Variants in NUP93 observed in about 807,000 individuals in gnomAD.
NUP93 encodes nuclear pore complex protein Nup93.
Under a neutral mutation model 107.8 loss-of-function variants are expected in NUP93, and 55 were observed. The observed-to-expected ratio is 0.51, with a 90% CI of 0.41 to 0.64. The LOEUF (loss-of-function observed/expected upper bound fraction) is 0.64. Among genes scored for constraint, NUP93 ranks in the 30% least tolerant of loss-of-function variants. The probability of loss-of-function intolerance (pLI) is 0.00; values close to 1 mark genes in which losing one functional copy is unlikely to be tolerated. For missense variants in NUP93, 937 were observed against 1,044.7 expected (o/e 0.90, Z 1.42); for synonymous variants, 390 against 397.5 (o/e 0.98, Z 0.22).
intron 4 of NUP93, among the ~76,000 whole-genome samples, chr16:56,801,376 G>A (rs1963017862): frequency 1.3e-5 from 2 of 152,142 alleles, no homozygotes; most frequent in Non-Finnish European, 2.9e-5. Flanking sequence ...GATAAGCTGG[G>A]GGTGATGCAA....
At chr16:56,802,951 C>T (rs1404257207) in intron 4 of NUP93, among the ~76,000 whole-genome samples, 1 of 152,018 alleles carries the variant, frequency 6.6e-6, no homozygotes, top group Non-Finnish European at 1.5e-5. Flanking sequence ...TGGTCATCTT[C>T]CTTCTTCCCT....
chr16:56,768,912 G>A (rs2144499960), intron 3 of NUP93, among the ~76,000 whole-genome samples: 1 of 151,606 alleles, frequency 6.6e-6, no homozygotes, highest in Admixed American at 6.6e-5. Flanking sequence ...GCTAACATCA[G>A]GGAAGCAAAG....
At chr16:56,774,550 T>G (rs953325252) in intron 3 of NUP93, among the ~76,000 whole-genome samples, 1 of 152,204 alleles carries the variant, frequency 6.6e-6, no homozygotes, top group Non-Finnish European at 1.5e-5. Flanking sequence ...GAATAAGTAT[T>G]TCTTTGGAAA....
intron 3 of NUP93, among the ~76,000 whole-genome samples, chr16:56,784,845 A>T (rs1386452304): frequency 2.0e-5 from 3 of 152,054 alleles, no homozygotes; most frequent in African/African-American, 7.2e-5. Context: ...TGTTTATCCT[A>T]CTCACTGAGT....
rs1209633397 is a variant in NUP93 at position 56,823,764 on chromosome 16, G to A, written c.712G>A (p.Ala238Thr). 3 of 1,614,190 alleles carry A rather than the reference G, an allele frequency of 1.9e-6. No homozygotes were observed. Among genetic ancestry groups the A allele is most frequent in the Middle Eastern group, 1.6e-4 (1 of 6,062 alleles). The change falls in exon 8 of 22, where the codon GCA (alanine) becomes ACA (threonine). Residue 238 changes from alanine (A) to threonine (T), a missense_variant. Ala to Thr is a moderately conservative substitution (Grantham distance 58). Transcript: ENST00000308159. Reference sequence around the variant, plus strand: ...AATGACAGACGTGTTGTTGACACCGGCAACGGATGCCCTGAAGAACCGCAG... The same window carrying A: ...AATGACAGACGTGTTGTTGACACCGACAACGGATGCCCTGAAGAACCGCAG... ...KQMTDVLLTPATDALKNRSSV... is the reference protein window; with the variant it reads ...KQMTDVLLTPTTDALKNRSSV...
intron 5 of NUP93, among the ~76,000 whole-genome samples, chr16:56,807,087 G>T (rs1301454870): frequency 6.6e-6 from 1 of 152,212 alleles, no homozygotes; most frequent in Non-Finnish European, 1.5e-5. Context: ...ACATGACATG[G>T]TCTTGTTGCC....
intron 1 of NUP93, among the ~76,000 whole-genome samples, chr16:56,737,251 C>T (rs755479697): frequency 6.6e-6 from 1 of 152,186 alleles, no homozygotes; most frequent in Admixed American, 6.5e-5. Flanking sequence ...CCCTCTTCCT[C>T]GCTGCTCAGT....
rs191733853 is a variant in NUP93 at position 56,790,794 on chromosome 16, T to G, written c.298-7682T>G. On this transcript the variant is annotated intron_variant, in intron 3 of 21. Coordinates refer to ENST00000308159, the MANE Select transcript of NUP93 (RefSeq NM_014669.5). Reference sequence around the variant, plus strand: ...CTAAAGTACTAACTTTAGTACCAACTGAATACTCAATAGTATTCCAATACT... The same window carrying G: ...CTAAAGTACTAACTTTAGTACCAACGGAATACTCAATAGTATTCCAATACT... 1.9e-3 allele frequency among the ~76,000 whole-genome samples: 294 copies of G among 152,348 alleles called. 2 individuals are homozygous for G. Among genetic ancestry groups the G allele is most frequent in the African/African-American group, 6.8e-3 (281 of 41,580 alleles).
intron 13 of NUP93, 97 bp from the exon 14 acceptor site, chr16:56,834,031 A>G (rs1963857591): frequency 1.3e-6 from 2 of 1,546,534 alleles, no homozygotes; most frequent in African/African-American, 1.4e-5. Context: ...GCAGGAGTAG[A>G]TGCTGCTGGG....
intron 3 of NUP93, among the ~76,000 whole-genome samples, chr16:56,759,765 G>A (rs911701017): frequency 6.6e-6 from 1 of 151,972 alleles, no homozygotes; most frequent in Non-Finnish European, 1.5e-5. Flanking sequence ...ATGTAACAGG[G>A]ATGAATAATC....
chr16:56,741,556 T>TG (rs1961740085), intron 1 of NUP93, among the ~76,000 whole-genome samples: 1 of 152,226 alleles, frequency 6.6e-6, no homozygotes, highest in African/African-American at 2.4e-5. Context: ...TTTACTGTTA[T>TG]TAAAAACAGT....
intron 8 of NUP93, among the ~76,000 whole-genome samples, chr16:56,828,046 C>T (rs1306255622): frequency 6.6e-6 from 1 of 151,906 alleles, no homozygotes; most frequent in African/African-American, 2.4e-5. Context: ...CTTGAAAACC[C>T]AGGAGGCAGA....
At chr16:56,797,251 CAG>C in intron 3 of NUP93, among the ~76,000 whole-genome samples, 1 of 152,340 alleles carries the variant, frequency 6.6e-6, no homozygotes, top group Non-Finnish European at 1.5e-5. Flanking sequence ...GCCTGGGTGA[CAG>C]AGTGATTTTA....
chr16:56,748,518 T>G, intron 2 of NUP93, 92 bp downstream of exon 2: 1 of 1,095,732 alleles, frequency 9.1e-7, no homozygotes, highest in Non-Finnish European at 1.3e-6. Flanking sequence ...ATCCAATCTG[T>G]GAATGACAGC....
In NUP93 at chr16:56,735,582, C is replaced by T. The variant is rs565577120; in HGVS notation, c.-15+5371C>T. Among the ~76,000 whole-genome samples, 9 of 152,280 alleles carry T rather than the reference C, an allele frequency of 5.9e-5. No homozygotes were observed. In the East Asian group the frequency reaches 1.3e-3, roughly 23 times the overall value. On this transcript the variant is annotated intron_variant, in intron 1 of 21. Transcript: ENST00000308159. ...AGATGGGGTCGGGCGCAGTGGCCCT[C>T]GCCTGTATTCCTAGCACTTTGGGAG...
In NUP93 at chr16:56,834,781, G is replaced by GAGT. The variant is rs749981169; in HGVS notation, c.1782+4_1782+6dup. 7 of 1,604,984 alleles carry GAGT rather than the reference G, an allele frequency of 4.4e-6. No homozygotes were observed. The East Asian group carries it at 1.6e-4, about 36-fold the overall frequency. ...TAGAGAATGACGGAAGTAGAAAGGT[G>GAGT]AGTTAAATGCATCCTTAGAGAAATG... On this transcript the variant is annotated splice_donor_region_variant and intron_variant, in intron 16 of 21. Coordinates refer to ENST00000308159, the MANE Select transcript of NUP93 (RefSeq NM_014669.5).
intron 20 of NUP93, 174 bp downstream of exon 20, chr16:56,839,778 A>G: frequency 1.6e-6 from 1 of 607,700 alleles, no homozygotes; most frequent in African/African-American, 1.9e-5. Flanking sequence ...GTGAGTGCAT[A>G]CATCCCCATC....
intron 3 of NUP93, among the ~76,000 whole-genome samples, chr16:56,775,469 G>C (rs914974457): frequency 6.6e-6 from 1 of 152,184 alleles, no homozygotes; most frequent in South Asian, 2.1e-4. Context: ...TTTCAGTGTT[G>C]TAGGTTTTCC....
intron 3 of NUP93, among the ~76,000 whole-genome samples, chr16:56,789,443 AC>A (rs1433914973): frequency 6.6e-6 from 1 of 152,238 alleles, no homozygotes; most frequent in Non-Finnish European, 1.5e-5. Context: ...GAAACCATGT[AC>A]AAAATGGGAC....
Sources: gnomAD v4.1 joint callset for allele counts (sites outside exome capture counted in the v4.1 genomes callset) on GRCh38, gnomAD v4.1.1 for gene constraint, MANE v1.5 for transcripts, NCBI Gene and HGNC (gene_info 2026-07-23, HGNC 2026-07-21) for gene names.